Variants in KCNC1 observed in about 807,000 individuals in gnomAD.
KCNC1 encodes potassium voltage-gated channel subfamily C member 1.
In KCNC1, 8 loss-of-function variants were observed where a neutral mutation model predicts 43.4. The ratio of observed to expected loss-of-function variants is 0.18; its 90% confidence interval spans 0.11 to 0.33. The LOEUF (loss-of-function observed/expected upper bound fraction) is 0.33. Ranked by LOEUF, KCNC1 falls within the 10% of genes least tolerant of loss-of-function variation. The pLI is 1.00. For synonymous variants in KCNC1, 361 were observed against 360.5 expected (o/e 1.00, Z -0.01); for missense variants, 420 against 836.0 (o/e 0.50, Z 6.14).
At chr11:17,778,967 C>T (rs1849317054) in intron 2 of KCNC1, among the ~76,000 whole-genome samples, 1 of 151,884 alleles carries the variant, frequency 6.6e-6, no homozygotes, top group Admixed American at 6.6e-5. Context: ...CTAGGGAAGC[C>T]CGAGCAACTG....
chr11:17,740,558 T>G (rs1848826874), intron 1 of KCNC1, among the ~76,000 whole-genome samples: 1 of 152,144 alleles, frequency 6.6e-6, no homozygotes, highest in Non-Finnish European at 1.5e-5. Context: ...GGCTTTAGTC[T>G]CTGATTTGCA....
intron 2 of KCNC1, chr11:17,772,929 T>C: frequency 8.4e-7 from 1 of 1,196,504 alleles, no homozygotes; most frequent in Non-Finnish European, 1.0e-6. Context: ...GGGGCAGGAG[T>C]CCGGTGTGAG....
chr11:17,753,900 G>T (rs572919692), intron 1 of KCNC1, among the ~76,000 whole-genome samples: 2 of 152,234 alleles, frequency 1.3e-5, no homozygotes, highest in East Asian at 3.8e-4. Flanking sequence ...TCCAGTGCCA[G>T]TTCTGCCCCG....
At chr11:17,754,688 C>G (rs1178861016) in intron 1 of KCNC1, among the ~76,000 whole-genome samples, 1 of 152,166 alleles carries the variant, frequency 6.6e-6, no homozygotes, top group Non-Finnish European at 1.5e-5. Context: ...TTGGCTGGGT[C>G]TTTGAGGCAG....
chr11:17,769,526 G>C (rs1040532412), intron 1 of KCNC1, among the ~76,000 whole-genome samples: 4 of 151,748 alleles, frequency 2.6e-5, no homozygotes, highest in Non-Finnish European at 4.4e-5. Context: ...AGGAGGAAGG[G>C]AGGATGATGT....
chr11:17,775,166 A>T, intron 2 of KCNC1: 1 of 985,498 alleles, frequency 1.0e-6, no homozygotes, highest in East Asian at 1.1e-4. Context: ...AGGCCTTTCC[A>T]GTCTCACTGT....
In KCNC1 at chr11:17,749,084, C is replaced by T. The variant is rs562462994; in HGVS notation, c.570+12512C>T. Among the ~76,000 whole-genome samples, 4 of 152,322 alleles carry T rather than the reference C, an allele frequency of 2.6e-5. No individual in the cohort carries two copies. The South Asian group carries it at 8.3e-4, about 32-fold the overall frequency. The stretch of plus-strand genomic sequence containing the variant: ...GGGAGAAGATGGCTAGTGGCATGGG[C>T]ACAGGCCACACTGGAGCCAGACTGC... On this transcript the variant is annotated intron_variant, in intron 1 of 3. Transcript: ENST00000265969.
chr11:17,774,323 G>A, intron 2 of KCNC1: 1 of 985,572 alleles, frequency 1.0e-6, no homozygotes. Context: ...GGCAAGAAGA[G>A]CTCAGCCTGA....
chr11:17,756,326 T>C lies in KCNC1; in HGVS notation c.571-15339T>C, dbSNP rs138937030. ...TTTGCTTGTATGGTTAATTGATAAATGTCAATGTCCCCCTCTCCTACTCCT... is the reference window on the plus strand; with the variant it reads ...TTTGCTTGTATGGTTAATTGATAAACGTCAATGTCCCCCTCTCCTACTCCT... On this transcript the variant is annotated intron_variant, in intron 1 of 3. Transcript: ENST00000265969. Among the ~76,000 whole-genome samples, 551 of 152,018 alleles carry C rather than the reference T, an allele frequency of 3.6e-3. 4 individuals carry two copies. The highest frequency in any genetic ancestry group is 0.013 in the African/African-American group (525 of 41,510).
intron 1 of KCNC1, among the ~76,000 whole-genome samples, chr11:17,767,146 A>T (rs1410404937): frequency 1.5e-5 from 2 of 134,494 alleles, no homozygotes; most frequent in African/African-American, 5.4e-5. Context: ...AAAAAAAAAA[A>T]TTAGCCGGCT....
chr11:17,758,812 G>A (rs1849047254), intron 1 of KCNC1, among the ~76,000 whole-genome samples: 1 of 152,204 alleles, frequency 6.6e-6, no homozygotes, highest in East Asian at 1.9e-4. Flanking sequence ...AGGCTTTGTT[G>A]TTCCATTTCT....
At chr11:17,767,242 G>A (rs1849161600) in intron 1 of KCNC1, among the ~76,000 whole-genome samples, 1 of 147,084 alleles carries the variant, frequency 6.8e-6, no homozygotes, top group Non-Finnish European at 1.5e-5. Flanking sequence ...CCAAGATCAC[G>A]CCACTGCACT....
chr11:17,747,919 T>A (rs1269943563), intron 1 of KCNC1, among the ~76,000 whole-genome samples: 1 of 151,892 alleles, frequency 6.6e-6, no homozygotes, highest in East Asian at 1.9e-4. Context: ...TCACAACTCC[T>A]CTCCCCACAC....
At chr11:17,780,974 T>C (rs778847795) in intron 3 of KCNC1, 1 of 152,290 alleles carries the variant, frequency 6.6e-6, no homozygotes, top group Non-Finnish European at 1.5e-5. Context: ...ATGTTCCCCT[T>C]TGCGACTGGC....
intron 1 of KCNC1, among the ~76,000 whole-genome samples, chr11:17,738,241 CA>C (rs573515208): frequency 1.9e-3 from 295 of 152,236 alleles, no homozygotes; most frequent in African/African-American, 6.7e-3. Context: ...CTGGGACCCT[CA>C]GAGGGCTTCC....
chr11:17,779,735 G>A lies in KCNC1; in HGVS notation c.1693+91G>A, dbSNP rs559299437. On this transcript the variant is annotated intron_variant, in intron 3 of 3. Transcript: ENST00000265969. The surrounding 1 kb of genome is among the most constrained non-coding windows in gnomAD (Gnocchi z 7.2). ...GCAGGGCGGCGGGCAAGGGCGCTGA[G>A]GGGCAGGCAGGCACACCGAGGGGGG... 314 of 1,077,472 alleles carry A rather than the reference G, an allele frequency of 2.9e-4. No individual in the cohort carries two copies. The highest frequency in any genetic ancestry group is 8.7e-4 in the Admixed American group (24 of 27,570). 66.7% of individuals were successfully genotyped at this position (1,077,472 alleles called of 1,614,324 possible).
chr11:17,760,973 G>A (rs542647043), intron 1 of KCNC1, among the ~76,000 whole-genome samples: 1 of 152,340 alleles, frequency 6.6e-6, no homozygotes, highest in East Asian at 1.9e-4. Context: ...GGGAAAGTCG[G>A]CAGCTCTGGC....
rs531786986 is a variant in KCNC1, at chr11:17,739,932, G to C, written c.570+3360G>C. Among the ~76,000 whole-genome samples, 6 of 152,306 alleles carry C rather than the reference G, an allele frequency of 3.9e-5. No individual in the cohort carries two copies. In the South Asian group the frequency reaches 1.2e-3, roughly 32 times the overall value. On this transcript the variant is annotated intron_variant, in intron 1 of 3. Coordinates refer to ENST00000265969, the MANE Select transcript of KCNC1 (RefSeq NM_001112741.2). This position sits in a 1 kb window ranked among gnomAD's most constrained non-coding sequence, Gnocchi z 4.2. ...TGCTTGAGGAAGATGAGATTCCAGA[G>C]CTGCTTCCTGCCCACTGCCTCAGTC...
chr11:17,769,357 G>A (rs1388083098), intron 1 of KCNC1, among the ~76,000 whole-genome samples: 1 of 151,708 alleles, frequency 6.6e-6, no homozygotes, highest in African/African-American at 2.4e-5. Flanking sequence ...GAAAGAGGGA[G>A]GGAGATAAAG....
Sources: allele counts gnomAD v4.1 joint callset (sites outside exome capture counted in the v4.1 genomes callset), GRCh38; gene constraint gnomAD v4.1.1; non-coding constraint Gnocchi (gnomAD v3.1); transcripts MANE v1.5; gene names NCBI Gene and HGNC (gene_info 2026-07-23, HGNC 2026-07-21).